Variants in CCDC57 observed in about 807,000 individuals in gnomAD.
The protein encoded by CCDC57 is coiled-coil domain-containing protein 57.
CCDC57 carries 118 observed loss-of-function variants against 118.9 expected under a neutral mutation model. That is an observed-to-expected ratio of 0.99 (90% confidence interval 0.86 to 1.16). The LOEUF (loss-of-function observed/expected upper bound fraction) is 1.16. Ranked by LOEUF, CCDC57 falls within the 50% of genes most tolerant of loss-of-function variation. The pLI is 0.00. For synonymous variants in CCDC57, 527 were observed against 532.9 expected, an observed-to-expected ratio of 0.99 and a Z score of 0.15; for missense variants, 1,300 against 1,320.7, an observed-to-expected ratio of 0.98 and a Z score of 0.24.
chr17:82,195,698 T>C (rs1234526036), intron 4 of CCDC57, among the ~76,000 whole-genome samples: 4 of 151,960 alleles, frequency 2.6e-5, no homozygotes, highest in Non-Finnish European at 5.9e-5. Context: ...CACCAAGATC[T>C]TCCAAAACAA....
At chr17:82,139,980 T>C (rs1255859989) in intron 16 of CCDC57, among the ~76,000 whole-genome samples, 1 of 152,244 alleles carries the variant, frequency 6.6e-6, no homozygotes, top group Non-Finnish European at 1.5e-5. Context: ...TCTGGATATA[T>C]AGAGAACTCT....
In CCDC57 at chr17:82,172,703, G is replaced by A. The variant is rs2044901643; in HGVS notation, c.1664C>T (p.Thr555Ile). ...GTTTGCATCTGTGCTCTCTGCCGCT[G>A]TCTGGATGGGAGGAGGAATCTGATG... Residue 555 changes from threonine (T) to isoleucine (I), a missense_variant, in exon 12 of 20, where the codon ACA becomes ATA. By Grantham distance (89) the Thr-to-Ile change is moderately conservative. Coordinates refer to ENST00000665763, the Ensembl canonical transcript of CCDC57. The surrounding 1 kb of genome is among the most constrained non-coding windows in gnomAD (Gnocchi z 5.2). 1.3e-6 allele frequency: 2 copies of A among 1,573,786 alleles called. No homozygotes were observed. The highest frequency in any genetic ancestry group is 2.7e-5 in the African/African-American group (2 of 74,178).
At chr17:82,142,694 T>C (rs2040179252) in intron 16 of CCDC57, among the ~76,000 whole-genome samples, 8 of 152,298 alleles carry the variant, frequency 5.3e-5, no homozygotes, top group Admixed American at 4.6e-4. Flanking sequence ...TAACACTTTG[T>C]GGCTTTTGGC....
chr17:82,128,550 C>A, exon 18 of CCDC57: 1 of 1,574,486 alleles, frequency 6.4e-7, no homozygotes, highest in Admixed American at 1.8e-5. Flanking sequence ...GGGGCTGGTG[C>A]TTTCCCAAGT....
chr17:82,119,632 G>A (rs1192895893), intron 19 of CCDC57, among the ~76,000 whole-genome samples: 3 of 152,110 alleles, frequency 2.0e-5, no homozygotes, highest in Non-Finnish European at 2.9e-5. Flanking sequence ...GGGCAAACAA[G>A]GAGGGTGCCT....
chr17:82,112,735 G>A (rs1360019045), intron 19 of CCDC57: 1 of 152,480 alleles, frequency 6.6e-6, no homozygotes, highest in East Asian at 1.9e-4. Flanking sequence ...CCTTCAGGCA[G>A]AAGGCCAGGG....
At position 82,186,014 on chromosome 17, in the gene CCDC57, G is replaced by C. The variant is rs557574880; in HGVS notation, c.1053-2082C>G. Among the ~76,000 whole-genome samples, 46 of 152,120 alleles carry C rather than the reference G, an allele frequency of 3.0e-4. No individual in the cohort carries two copies. The South Asian group carries it at 3.5e-3, about 12-fold the overall frequency. ...CACCGTACCTGTCTAACTTTTCTTT[G>C]GGTAGACATAGGGTCTTGTTTCGTT... is the stretch of plus-strand genomic sequence containing the variant. On this transcript the variant is annotated intron_variant, in intron 8 of 19. Coordinates refer to ENST00000665763, the Ensembl canonical transcript of CCDC57.
intron 19 of CCDC57, among the ~76,000 whole-genome samples, chr17:82,117,644 G>C (rs2036094801): frequency 6.6e-6 from 1 of 151,798 alleles, no homozygotes; most frequent in Non-Finnish European, 1.5e-5. Context: ...GACGGAGTGA[G>C]ACTCCATCTC....
At chr17:82,171,620 T>C in intron 13 of CCDC57, 81 bp downstream of exon 12, 1 of 1,473,856 alleles carries the variant, frequency 6.8e-7, no homozygotes, top group Admixed American at 1.9e-5. Context: ...GAGCTGTATA[T>C]TTGCTATGAG....
intron 16 of CCDC57, among the ~76,000 whole-genome samples, chr17:82,138,712 G>T (rs1202499286): frequency 2.6e-5 from 4 of 152,214 alleles, no homozygotes; most frequent in Non-Finnish European, 5.9e-5. Context: ...CGCGTGGCCT[G>T]CCCCGGGCTG....
intron 5 of CCDC57, 144 bp from the exon 5 acceptor site, chr17:82,194,283 A>G (rs1322762109): frequency 3.6e-6 from 3 of 822,260 alleles, no homozygotes; most frequent in Non-Finnish European, 5.6e-6. Flanking sequence ...AGAATGTCCT[A>G]ACACAACTCA....
At chr17:82,113,720 C>G in intron 19 of CCDC57, 1 of 708,326 alleles carries the variant, frequency 1.4e-6, no homozygotes, top group South Asian at 1.5e-5. Context: ...ACTGCTTGAG[C>G]CCAGGAGTTC....
chr17:82,148,338 T>TGGAA (rs1428304252), intron 16 of CCDC57, among the ~76,000 whole-genome samples: 1 of 49,010 alleles, frequency 2.0e-5, no homozygotes, highest in Non-Finnish European at 3.7e-5. Context: ...GATGGATGGA[T>TGGAA]GGATGGATAG....
chr17:82,183,767 C>A lies in CCDC57; in HGVS notation c.1211+7G>T, dbSNP rs1268212641. ...CTCAATGGAAACATCTGCCTGGGGA[C>A]AGTTACCTTTCAATGTCCTGCTGGG... On this transcript the variant is annotated splice_region_variant and intron_variant, in intron 9 of 19. Coordinates refer to ENST00000665763, the Ensembl canonical transcript of CCDC57. The A allele has an allele frequency of 7.4e-5, 115 of 1,552,892 alleles. No individual in the cohort carries two copies. Among genetic ancestry groups the A allele is most frequent in the Non-Finnish European group, 1.0e-4 (115 of 1,147,556 alleles).
intron 4 of CCDC57, among the ~76,000 whole-genome samples, chr17:82,196,426 G>A (rs990076930): frequency 1.3e-5 from 2 of 152,338 alleles, no homozygotes; most frequent in Non-Finnish European, 1.5e-5. Context: ...TCAGGGACCT[G>A]TGAACAACGG....
chr17:82,154,855 G>C (rs1263841444), intron 15 of CCDC57: 3 of 152,388 alleles, frequency 2.0e-5, no homozygotes, highest in Non-Finnish European at 4.4e-5. Context: ...TGTCTCTCCT[G>C]TGCAGGGTCC....
At chr17:82,186,381 C>T (rs1900469650) in intron 8 of CCDC57, among the ~76,000 whole-genome samples, 1 of 152,178 alleles carries the variant, frequency 6.6e-6, no homozygotes, top group Non-Finnish European at 1.5e-5. Context: ...TGGTGACGCC[C>T]AGTCACCTCG....
chr17:82,187,874 C>G (rs1474096446), intron 8 of CCDC57, among the ~76,000 whole-genome samples: 1 of 151,172 alleles, frequency 6.6e-6, no homozygotes, highest in African/African-American at 2.4e-5. Flanking sequence ...ATGGAAAGTT[C>G]TGGAGATGAC....
At chr17:82,145,419 C>CATAT (rs1246959355) in intron 16 of CCDC57, among the ~76,000 whole-genome samples, 4 of 151,758 alleles carry the variant, frequency 2.6e-5, no homozygotes, top group Non-Finnish European at 5.9e-5. Flanking sequence ...TGGTGGCGGG[C>CATAT]GCCTGTAATA....
Sources: gnomAD v4.1 joint callset for allele counts (sites outside exome capture counted in the v4.1 genomes callset) on GRCh38, gnomAD v4.1.1 for gene constraint, Gnocchi (gnomAD v3.1) non-coding constraint, MANE v1.5 for transcripts, NCBI Gene and HGNC (gene_info 2026-07-23, HGNC 2026-07-21) for gene names.